Variants in CEP170 observed in about 807,000 individuals in gnomAD.
CEP170 encodes centrosomal protein of 170 kDa.
A neutral mutation model predicts 151.9 loss-of-function variants in CEP170; 21 were observed. The ratio of observed to expected loss-of-function variants is 0.14; its 90% confidence interval spans 0.10 to 0.20. The LOEUF (loss-of-function observed/expected upper bound fraction) is 0.20, where lower values mean the gene tolerates loss of function less well. Ranked by LOEUF, CEP170 falls within the 10% of genes least tolerant of loss-of-function variation. The probability of loss-of-function intolerance (pLI) is 1.00; values close to 1 mark genes in which losing one functional copy is unlikely to be tolerated. For synonymous variants in CEP170, 356 were observed against 648.8 expected (o/e 0.55, Z 6.86); for missense variants, 964 against 1,892.9 (o/e 0.51, Z 9.11).
At chr1:243,162,552 T>C (rs1420370557) in intron 13 of CEP170, among the ~76,000 whole-genome samples, 1 of 152,230 alleles carries the variant, frequency 6.6e-6, no homozygotes, top group Non-Finnish European at 1.5e-5. Context: ...AGTTCTGTAT[T>C]CAAAGAAGCA....
chr1:243,231,946 T>TTTC (rs375351644), intron 1 of CEP170, among the ~76,000 whole-genome samples: 60 of 151,944 alleles, frequency 3.9e-4, no homozygotes, highest in African/African-American at 1.2e-3. Context: ...CTCACTGTCT[T>TTTC]TTCTTCTTCT....
rs1440763073 is a variant in CEP170 at position 243,125,546 on chromosome 1, C to T, written c.*903G>A. 1 of 152,556 alleles carries T rather than the reference C, an allele frequency of 6.6e-6. No individual in the cohort carries two copies. Among genetic ancestry groups the T allele is most frequent in the Non-Finnish European group, 1.5e-5 (1 of 68,194 alleles). The allele number at this position is 152,556 out of a possible 1,614,324, so 9.5% of individuals were successfully genotyped here. A position where few individuals can be genotyped will look rare whatever the true frequency, so the allele number is the denominator to read the frequency against. ...ACATATAAACTTGGTAACACAGGAC[C>T]AATATACATGTTCTGAGTTTTAAAA... is the stretch of plus-strand genomic sequence containing the variant. On this transcript the variant is annotated 3_prime_UTR_variant, in exon 20 of 20. Coordinates refer to ENST00000366542, the MANE Select transcript of CEP170 (RefSeq NM_014812.3).
chr1:243,156,062 GGATA>G (rs917348810), intron 14 of CEP170, among the ~76,000 whole-genome samples, 155 bp downstream of exon 14: 1 of 151,856 alleles, frequency 6.6e-6, no homozygotes, highest in Non-Finnish European at 1.5e-5. Flanking sequence ...AAAAAAAGCT[GGATA>G]GAGAGTAATA....
chr1:243,237,472 A>T (rs1249228967), intron 1 of CEP170, among the ~76,000 whole-genome samples: 1 of 152,232 alleles, frequency 6.6e-6, no homozygotes, highest in Admixed American at 6.5e-5. Flanking sequence ...TACCTTAAGG[A>T]TCGCTTTCGT....
chr1:243,215,189 T>A (rs926630483), intron 3 of CEP170, among the ~76,000 whole-genome samples: 3 of 152,204 alleles, frequency 2.0e-5, no homozygotes, highest in African/African-American at 7.2e-5. Flanking sequence ...CTTCGTAAGC[T>A]GAGGATGTAT....
chr1:243,174,997 G>A (rs895466464), intron 10 of CEP170: 2 of 152,180 alleles, frequency 1.3e-5, no homozygotes, highest in African/African-American at 4.8e-5. Context: ...AGGTTTGAAA[G>A]TTAAAATAAC....
At chr1:243,127,994 G>A (rs1464419897) in intron 19 of CEP170, among the ~76,000 whole-genome samples, 1 of 151,998 alleles carries the variant, frequency 6.6e-6, no homozygotes, top group Non-Finnish European at 1.5e-5. Context: ...ATTTCAATTA[G>A]TTTATGACAT....
intron 14 of CEP170, among the ~76,000 whole-genome samples, chr1:243,145,756 C>T (rs568901279): frequency 4.2e-4 from 64 of 152,202 alleles, no homozygotes; most frequent in African/African-American, 1.4e-3. Flanking sequence ...AGCTTATGAC[C>T]GCAAGTCAAA....
At chr1:243,167,994 A>T (rs1445348683) in intron 12 of CEP170, among the ~76,000 whole-genome samples, 1 of 152,024 alleles carries the variant, frequency 6.6e-6, no homozygotes, top group Non-Finnish European at 1.5e-5. Context: ...TGAGATCATG[A>T]AAGCTAAGTG....
rs1209821034 is a variant in CEP170 at position 243,129,369 on chromosome 1, G to C, written c.4404C>G (p.Thr1468=). The change falls in exon 18 of 20, where the codon ACC becomes ACG. Residue 1468 remains threonine, a synonymous_variant. Coordinates refer to ENST00000366542, the MANE Select transcript of CEP170 (RefSeq NM_014812.3). ...RAESEVPIVK[T]SSMEISSILQ... ...AGAAAAATTACTATACCATGCTTGA[G>C]GTTTTCACAATAGGGACTTCACTTT... The C allele has an allele frequency of 6.3e-7, 1 of 1,588,194 alleles. No individual in the cohort carries two copies. The highest frequency in any genetic ancestry group is 8.6e-7 in the Non-Finnish European group (1 of 1,166,454).
chr1:243,189,808 ATG>A (rs1436805487), intron 8 of CEP170, among the ~76,000 whole-genome samples: 3 of 152,158 alleles, frequency 2.0e-5, no homozygotes, highest in African/African-American at 7.2e-5. Context: ...TAAACAGCCT[ATG>A]TGTTTGTGAG....
chr1:243,143,020 A>G (rs2056044286), intron 14 of CEP170, among the ~76,000 whole-genome samples: 1 of 152,194 alleles, frequency 6.6e-6, no homozygotes, highest in Non-Finnish European at 1.5e-5. Context: ...GTCATTAAAC[A>G]CACAATAATA....
At chr1:243,228,430 G>C (rs1238952587) in intron 1 of CEP170, among the ~76,000 whole-genome samples, 1 of 152,080 alleles carries the variant, frequency 6.6e-6, no homozygotes, top group Non-Finnish European at 1.5e-5. Flanking sequence ...TGTCAATTTG[G>C]TTTTTAGCAT....
chr1:243,235,101 T>C (rs936169946), intron 1 of CEP170, among the ~76,000 whole-genome samples: 5 of 152,014 alleles, frequency 3.3e-5, no homozygotes, highest in East Asian at 1.9e-4. Flanking sequence ...TATAAGATAC[T>C]GGGGAAAGAG....
At position 243,125,068 on chromosome 1, in the gene CEP170, T is replaced by G. The variant is rs2053600431; in HGVS notation, c.*1381A>C. ...ATATAGCACAGGATTATTGTGGAAA[T>G]ATTAAAGACCATTTCATAAAAGTTG... On this transcript the variant is annotated 3_prime_UTR_variant, in exon 20 of 20. Coordinates refer to ENST00000366542, the MANE Select transcript of CEP170 (RefSeq NM_014812.3). 6.6e-6 allele frequency: 1 copy of G among 152,130 alleles called. No homozygotes were observed. The highest frequency in any genetic ancestry group is 2.4e-5 in the African/African-American group (1 of 41,434). 9.4% of individuals were successfully genotyped at this position (152,130 alleles called of 1,614,324 possible).
In CEP170 at chr1:243,142,195, T is replaced by C. The variant is rs987150547; in HGVS notation, c.4059+121A>G. 11 of 1,558,830 alleles carry C rather than the reference T, an allele frequency of 7.1e-6. No homozygotes were observed. The African/African-American group carries it at 1.4e-4, about 20-fold the overall frequency. On this transcript the variant is annotated intron_variant, in intron 15 of 19. Transcript: ENST00000366542. The stretch of plus-strand genomic sequence containing the variant: ...AAACTGTTAAAGCAAAGTTGGAAAA[T>C]GCAGAGCTTCATGCAAACAGGGAGG...
At chr1:243,175,108 T>G (rs1311611423) in intron 10 of CEP170, 1 of 152,212 alleles carries the variant, frequency 6.6e-6, no homozygotes, top group Admixed American at 6.5e-5. Context: ...CACTAAAAAC[T>G]TGATTTCCTC....
intron 8 of CEP170, among the ~76,000 whole-genome samples, chr1:243,189,470 C>T (rs551090309): frequency 2.0e-5 from 3 of 150,432 alleles, no homozygotes; most frequent in Middle Eastern, 3.4e-3. Flanking sequence ...GCAGGAGAAT[C>T]GCGTGAACCC....
chr1:243,214,900 G>A (rs2062132249), intron 3 of CEP170, among the ~76,000 whole-genome samples: 1 of 151,934 alleles, frequency 6.6e-6, no homozygotes, highest in Non-Finnish European at 1.5e-5. Context: ...TAAATTATTT[G>A]TACAATATTT....
Sources: allele counts gnomAD v4.1 joint callset (sites outside exome capture counted in the v4.1 genomes callset), GRCh38; gene constraint gnomAD v4.1.1; transcripts MANE v1.5; gene names NCBI Gene and HGNC (gene_info 2026-07-23, HGNC 2026-07-21).